HUWE1: variants seen among roughly 807,000 people sequenced by gnomAD.
HUWE1 encodes the protein E3 ubiquitin-protein ligase HUWE1.
HUWE1 carries 18 observed loss-of-function variants against 299.4 expected under a neutral mutation model. The observed-to-expected ratio is 0.06, with a 90% CI of 0.04 to 0.09. The LOEUF is 0.09. Ranked by LOEUF, HUWE1 falls within the 10% of genes least tolerant of loss-of-function variation. The pLI, the probability that HUWE1 is intolerant of heterozygous loss-of-function variation, is 1.00. For synonymous variants in HUWE1, 1,317 were observed against 1,286.1 expected, an observed-to-expected ratio of 1.02 and a Z score of -0.51; for missense variants, 1,832 against 3,462.3, an observed-to-expected ratio of 0.53 and a Z score of 11.82.
chrX:53,560,556 A>G (rs1294064361), intron 55 of HUWE1, 140 bp from the exon 56 acceptor site: 1 of 522,576 alleles, frequency 1.9e-6, no homozygotes, highest in Admixed American at 2.8e-5. Context: ...CCCACAACTC[A>G]TCTACAATCA....
intron 3 of HUWE1, among the ~76,000 whole-genome samples, chrX:53,676,802 A>G (rs910049109): frequency 8.9e-6 from 1 of 111,996 alleles, no homozygotes. Flanking sequence ...GCATAGTTAT[A>G]TATACACTTA....
chrX:53,594,388 T>TA, intron 31 of HUWE1, 111 bp downstream of exon 31: 2 of 822,491 alleles, frequency 2.4e-6, no homozygotes, highest in Non-Finnish European at 3.6e-6. Context: ...TAGCTATTTC[T>TA]ATATATCCCA....
intron 55 of HUWE1, among the ~76,000 whole-genome samples, chrX:53,560,752 T>C (rs2062247071): frequency 8.9e-6 from 1 of 112,142 alleles, no homozygotes; most frequent in Non-Finnish European, 1.9e-5. Flanking sequence ...CTTCTCTTCT[T>C]GGCCTAAGAT....
chrX:53,652,462 T>C (rs1414653303), intron 4 of HUWE1, among the ~76,000 whole-genome samples: 4 of 112,152 alleles, frequency 3.6e-5, no homozygotes, highest in African/African-American at 6.5e-5. Flanking sequence ...CTAGTTCTTA[T>C]ATACACTAGG....
chrX:53,579,366 G>A (rs782446847), intron 43 of HUWE1, among the ~76,000 whole-genome samples: 1 of 109,047 alleles, frequency 9.2e-6, no homozygotes, highest in East Asian at 3.0e-4. Context: ...CCATCCGGGA[G>A]GTGAGGGGCA....
intron 3 of HUWE1, among the ~76,000 whole-genome samples, chrX:53,677,086 C>T: frequency 1.2e-5 from 1 of 80,175 alleles, no homozygotes; most frequent in African/African-American, 4.7e-5. Context: ...CACCCCCCCA[C>T]CCCACCCCCC....
rs782170186 is a variant in HUWE1, at chrX:53,625,348, A to G, written c.1490-90T>C. The G allele has an allele frequency of 1.4e-4, 76 of 562,779 alleles. No individual in the cohort carries two copies. The South Asian group carries it at 1.8e-3, about 14-fold the overall frequency. The allele number at this position is 562,779 out of a possible 1,213,427, so 46.4% of individuals were successfully genotyped here. Reference sequence around the variant, plus strand: ...ATAAAACAAAATTTTAAGAGATCCAAATACACTATAATAAAATTAGAAGAC... The same window carrying G: ...ATAAAACAAAATTTTAAGAGATCCAGATACACTATAATAAAATTAGAAGAC... On this transcript the variant is annotated intron_variant, in intron 17 of 83. Transcript: ENST00000262854.
intron 8 of HUWE1, among the ~76,000 whole-genome samples, chrX:53,632,926 G>T (rs1468961790): frequency 8.9e-6 from 1 of 112,603 alleles, no homozygotes; most frequent in African/African-American, 3.2e-5. Context: ...AAAGGATGGA[G>T]AACAAATACC....
intron 57 of HUWE1, 58 bp downstream of exon 57, chrX:53,559,296 A>C: frequency 8.8e-7 from 1 of 1,136,843 alleles, no homozygotes. Context: ...GCTTTTCCTC[A>C]GCAGGGAAAA....
At chrX:53,673,550 G>A (rs782297338) in intron 3 of HUWE1, among the ~76,000 whole-genome samples, 44 of 111,756 alleles carry the variant, frequency 3.9e-4, no homozygotes, top group African/African-American at 1.3e-3. Context: ...TAGACATTTA[G>A]TGTAACCATC....
At chrX:53,604,939 G>T in intron 25 of HUWE1, 105 bp from the exon 26 acceptor site, 2 of 826,789 alleles carry the variant, frequency 2.4e-6, no homozygotes, top group Middle Eastern at 4.2e-4. Flanking sequence ...AAGCCTCTCA[G>T]ATTTTGGATA....
chrX:53,570,509 T>C lies in HUWE1; in HGVS notation c.6313-682A>G, dbSNP rs920365871. The stretch of plus-strand genomic sequence containing the variant: ...TGAAATTATTTACTGACACCTACAA[T>C]GTGCCCAGGACCCTGTGCTACAATA... On this transcript the variant is annotated intron_variant, in intron 47 of 83. Coordinates refer to ENST00000262854, the MANE Select transcript of HUWE1 (RefSeq NM_031407.7). Among the ~76,000 whole-genome samples the C allele has an allele frequency of 2.7e-5, 3 of 112,067 alleles. No homozygotes were observed. In the East Asian group the frequency reaches 8.3e-4, roughly 31 times the overall value.
chrX:53,554,717 C>T lies in HUWE1; in HGVS notation c.8410G>A (p.Val2804Ile). Reference protein sequence around the residue: ...GGSSTQLLMPVEPEELGPTRP... With the variant: ...GGSSTQLLMPIEPEELGPTRP... ...GTGGGACCCAATTCCTCTGGCTCTA[C>T]AGGCATCAATAGCTGTGTAGAGCTG... is the stretch of plus-strand genomic sequence containing the variant. The change falls in exon 61 of 84, where the codon GTA (valine) becomes ATA (isoleucine). Residue 2804 changes from valine to isoleucine, a missense_variant. Coordinates refer to ENST00000262854, the MANE Select transcript of HUWE1 (RefSeq NM_031407.7). 1 of 1,211,053 alleles carries T rather than the reference C, an allele frequency of 8.3e-7. No homozygotes were observed. The highest frequency in any genetic ancestry group is 1.1e-6 in the Non-Finnish European group (1 of 895,085).
At chrX:53,534,255 G>C (rs1248243850) in intron 82 of HUWE1, 58 bp from the exon 83 acceptor site, 41 of 1,024,828 alleles carry the variant, frequency 4.0e-5, no homozygotes, top group Non-Finnish European at 5.2e-5. Flanking sequence ...AAGCAGGGTG[G>C]GGGGGATGGA....
chrX:53,641,062 G>A (rs1385049176), intron 7 of HUWE1, among the ~76,000 whole-genome samples: 3 of 111,362 alleles, frequency 2.7e-5, no homozygotes, highest in Non-Finnish European at 5.7e-5. Flanking sequence ...TCTTATCAAA[G>A]ATCTTAAAAG....
intron 24 of HUWE1, 128 bp downstream of exon 24, chrX:53,608,724 C>G: frequency 1.8e-6 from 1 of 546,330 alleles, no homozygotes; most frequent in Non-Finnish European, 3.4e-6. Context: ...AAGGGTGGCA[C>G]ATCTTTCCCC....
rs181095748 is a variant in HUWE1 at position 53,623,141 on chromosome X, C to T, written c.1672+1454G>A. Among the ~76,000 whole-genome samples, 184 of 111,392 alleles carry T rather than the reference C, an allele frequency of 1.7e-3. 2 individuals carry two copies. Among genetic ancestry groups the T allele is most frequent in the African/African-American group, 5.9e-3 (180 of 30,648 alleles). ...GCATCATCCTCATAGGGCTCACCTG[C>T]TCCTCACCACTATCCCAGCACCTAA... On this transcript the variant is annotated intron_variant, in intron 19 of 83. Transcript: ENST00000262854.
intron 60 of HUWE1, chrX:53,557,118 C>T (rs1341317751): frequency 1.7e-5 from 8 of 465,018 alleles, no homozygotes; most frequent in Non-Finnish European, 2.8e-5. Flanking sequence ...GACCTCATTA[C>T]CCATGCCAGA....
chrX:53,591,173 A>G, intron 33 of HUWE1, 51 bp from the exon 34 acceptor site: 1 of 1,184,536 alleles, frequency 8.4e-7, no homozygotes, highest in Non-Finnish European at 1.1e-6. Context: ...ATCCAAATAC[A>G]TTTTTAAAAG....
Sources: gnomAD v4.1 joint callset for allele counts (sites outside exome capture counted in the v4.1 genomes callset) on GRCh38, gnomAD v4.1.1 for gene constraint, MANE v1.5 for transcripts, NCBI Gene and HGNC (gene_info 2026-07-23, HGNC 2026-07-21) for gene names.